The following PAX5 variants were observed in gnomAD, a reference collection of about 807,000 sequenced individuals.
PAX5 encodes paired box protein Pax-5.
A neutral mutation model predicts 43.7 loss-of-function variants in PAX5; 9 were observed. The observed-to-expected ratio is 0.21, with a 90% CI of 0.12 to 0.36. The LOEUF (loss-of-function observed/expected upper bound fraction) is 0.36, where lower values mean the gene tolerates loss of function less well. Among genes scored for constraint, PAX5 ranks in the 10% least tolerant of loss-of-function variants. The probability of loss-of-function intolerance (pLI) is 1.00; values close to 1 mark genes in which losing one functional copy is unlikely to be tolerated. For missense variants in PAX5, 383 were observed against 532.7 expected (o/e 0.72, Z 2.77); for synonymous variants, 228 against 214.3 (o/e 1.06, Z -0.56).
intron 6 of PAX5, among the ~76,000 whole-genome samples, chr9:36,964,208 G>A (rs1285539192): frequency 6.6e-6 from 1 of 152,014 alleles, no homozygotes; most frequent in African/African-American, 2.4e-5. Context: ...GCGAACCCGG[G>A]AGGTGGAGCT....
chr9:37,027,031 T>A (rs1008212568), intron 1 of PAX5, among the ~76,000 whole-genome samples: 1 of 152,188 alleles, frequency 6.6e-6, no homozygotes, highest in African/African-American at 2.4e-5. Flanking sequence ...GCTGCCAGGC[T>A]GGTTCCGCGG....
rs369620394 is a variant in PAX5, at chr9:36,955,341, G to GT, written c.780+11207dup. On this transcript the variant is annotated intron_variant, in intron 6 of 9. Transcript: ENST00000358127. ...AAATTGTGGAAGGAGCCAGATGAAA[G>GT]TTTTTTTATATGCATCTGCGAGGCA... Among the ~76,000 whole-genome samples, 282 of 152,242 alleles carry GT rather than the reference G, an allele frequency of 1.9e-3. 3 individuals carry two copies. The highest frequency in any genetic ancestry group is 4.1e-3 in the African/African-American group (169 of 41,538).
At chr9:36,863,538 G>A (rs1363186005) in intron 8 of PAX5, among the ~76,000 whole-genome samples, 2 of 152,234 alleles carry the variant, frequency 1.3e-5, no homozygotes, top group East Asian at 3.9e-4. Flanking sequence ...CCGAGGCCCA[G>A]CACAGTTCAG....
chr9:36,886,839 C>T (rs1294300267), intron 7 of PAX5, among the ~76,000 whole-genome samples: 1 of 152,212 alleles, frequency 6.6e-6, no homozygotes, highest in East Asian at 1.9e-4. Flanking sequence ...TCTTTTCTAA[C>T]TCATGCGTGG....
chr9:37,015,067 T>C lies in PAX5; in HGVS notation c.340A>G (p.Ile114Val), dbSNP rs1789239055. ...RQNPTMFAWE[I>V]RDRLLAERVC... Reference sequence around the variant, plus strand: ...CGCTCTGCCAGCAGCCGGTCCCTGATCTCCCAGGCAAACATGGTGGGATTT... The same window carrying C: ...CGCTCTGCCAGCAGCCGGTCCCTGACCTCCCAGGCAAACATGGTGGGATTT... Residue 114 changes from isoleucine (I) to valine (V), a missense_variant, in exon 3 of 10, where the codon ATC becomes GTC. Physicochemically the swap from Ile to Val is conservative, Grantham distance 29. Transcript: ENST00000358127. The surrounding 1 kb of genome is among the most constrained non-coding windows in gnomAD (Gnocchi z 4.4). 1 of 1,614,202 alleles carries C rather than the reference T, an allele frequency of 6.2e-7. No individual in the cohort carries two copies. Among genetic ancestry groups the C allele is most frequent in the Middle Eastern group, 1.7e-4 (1 of 6,060 alleles).
At chr9:37,002,529 C>G in intron 5 of PAX5, 119 bp downstream of exon 5, 2 of 1,086,824 alleles carry the variant, frequency 1.8e-6, no homozygotes, top group Non-Finnish European at 2.6e-6. Context: ...GGCCGGGGGA[C>G]TCGCTCCTCT....
intron 5 of PAX5, among the ~76,000 whole-genome samples, chr9:36,989,503 T>C (rs1037623156): frequency 6.6e-6 from 1 of 152,106 alleles, no homozygotes; most frequent in African/African-American, 2.4e-5. Flanking sequence ...CCAGAGTCAA[T>C]ACTCAGTAAA....
chr9:37,006,567 T>C (rs1838406134), intron 3 of PAX5, 30 bp from the exon 4 acceptor site: 2 of 1,592,432 alleles, frequency 1.3e-6, no homozygotes, highest in South Asian at 2.2e-5. Flanking sequence ...AAAATTGCTA[T>C]TTACCATCAG....
In PAX5 at chr9:37,013,563, A is replaced by G. The variant is rs552732430; in HGVS notation, c.410+1434T>C. The stretch of plus-strand genomic sequence containing the variant: ...GCAAAGAGCCAGAAGTAAGGGGCTC[A>G]TAAAACACAATGGAGCCTCTTATAA... On this transcript the variant is annotated intron_variant, in intron 3 of 9. Transcript: ENST00000358127. 2.6e-5 allele frequency among the ~76,000 whole-genome samples: 4 copies of G among 152,306 alleles called. No homozygotes were observed. The South Asian group carries it at 8.3e-4, about 32-fold the overall frequency.
At chr9:36,899,542 CT>C (rs982849038) in intron 7 of PAX5, among the ~76,000 whole-genome samples, 5 of 151,170 alleles carry the variant, frequency 3.3e-5, no homozygotes, top group Non-Finnish European at 5.9e-5. Context: ...GGACAGGAGG[CT>C]TTTTTTTTGA....
chr9:36,974,373 T>C (rs1835249251), intron 5 of PAX5, among the ~76,000 whole-genome samples: 1 of 152,210 alleles, frequency 6.6e-6, no homozygotes, highest in African/African-American at 2.4e-5. Context: ...GATAGAGCGC[T>C]GTTCAGTGTC....
chr9:36,869,383 C>G (rs1037349222), intron 8 of PAX5, among the ~76,000 whole-genome samples: 3 of 152,238 alleles, frequency 2.0e-5, no homozygotes, highest in African/African-American at 7.2e-5. Context: ...GTTTCTCTCT[C>G]AACAATAAAC....
intron 7 of PAX5, among the ~76,000 whole-genome samples, chr9:36,896,026 A>G (rs1343867817): frequency 6.6e-6 from 1 of 152,056 alleles, no homozygotes; most frequent in Admixed American, 6.5e-5. Flanking sequence ...TCCTCTGTAA[A>G]TGTCCTCACC....
intron 3 of PAX5, among the ~76,000 whole-genome samples, chr9:37,009,389 T>C (rs7036879): frequency 0.58 from 87,528 of 152,060 alleles, 25,507 homozygotes; most frequent in Middle Eastern, 0.81. Context: ...CTATTAGGAT[T>C]AAATTAATGA....
At chr9:36,881,963 G>T (rs999856789) in intron 8 of PAX5, 41 bp downstream of exon 8, 1 of 1,484,538 alleles carries the variant, frequency 6.7e-7, no homozygotes, top group South Asian at 1.2e-5. Flanking sequence ...CCGAAACCCC[G>T]TCCGCTGCCT....
At chr9:36,867,056 G>C (rs1273868051) in intron 8 of PAX5, among the ~76,000 whole-genome samples, 1 of 22,000 alleles carries the variant, frequency 4.5e-5, no homozygotes, top group Non-Finnish European at 1.0e-4. Context: ...CCTGGATGGG[G>C]TGGTGGGGGG....
chr9:36,964,575 A>G (rs551368756), intron 6 of PAX5, among the ~76,000 whole-genome samples: 1 of 150,834 alleles, frequency 6.6e-6, no homozygotes, highest in Non-Finnish European at 1.5e-5. Context: ...CTGGGCAACA[A>G]GAGCAAAACT....
intron 9 of PAX5, 132 bp from the exon 10 acceptor site, chr9:36,840,768 TC>T: frequency 1.6e-6 from 1 of 615,952 alleles, no homozygotes; most frequent in Non-Finnish European, 2.8e-6. Context: ...TCTGTCCCAG[TC>T]TGTTCCCCAG....
chr9:36,864,713 C>G (rs1052190076), intron 8 of PAX5, among the ~76,000 whole-genome samples: 4 of 152,214 alleles, frequency 2.6e-5, no homozygotes, highest in Admixed American at 2.0e-4. Context: ...CCTGCCTGCT[C>G]CCCTGGGAGC....
Sources: gnomAD v4.1 joint callset for allele counts (sites outside exome capture counted in the v4.1 genomes callset) on GRCh38, gnomAD v4.1.1 for gene constraint, Gnocchi (gnomAD v3.1) non-coding constraint, MANE v1.5 for transcripts, NCBI Gene and HGNC (gene_info 2026-07-23, HGNC 2026-07-21) for gene names.